Variants in PCBP3 observed in about 807,000 individuals in gnomAD.
PCBP3 encodes poly(rC)-binding protein 3.
PCBP3 carries 25 observed loss-of-function variants against 52.7 expected under a neutral mutation model. The ratio of observed to expected loss-of-function variants is 0.47; its 90% CI spans 0.35 to 0.66. The LOEUF (loss-of-function observed/expected upper bound fraction) is 0.66. PCBP3 is among the 30% of genes least tolerant of loss of function. The pLI, the probability that PCBP3 is intolerant of heterozygous loss-of-function variation, is 0.01. For missense variants in PCBP3, 391 were observed against 490.3 expected (o/e 0.80, Z 1.91); for synonymous variants, 162 against 183.0 (o/e 0.89, Z 0.93).
chr21:45,875,201 C>T (rs1319016441), intron 5 of PCBP3, among the ~76,000 whole-genome samples: 21 of 151,310 alleles, frequency 1.4e-4, no homozygotes, highest in African/African-American at 2.4e-4. Context: ...GGCCCTTCCA[C>T]GCGGCGCGCT....
chr21:45,884,555 C>T (rs1430441225), intron 5 of PCBP3, among the ~76,000 whole-genome samples: 1 of 151,898 alleles, frequency 6.6e-6, no homozygotes, highest in Non-Finnish European at 1.5e-5. Flanking sequence ...ATATATGTCA[C>T]GTGTGTGTGC....
chr21:45,753,493 T>C (rs2087740518), intron 3 of PCBP3, among the ~76,000 whole-genome samples: 1 of 152,152 alleles, frequency 6.6e-6, no homozygotes, highest in African/African-American at 2.4e-5. Context: ...TGTTTTATCC[T>C]CCCTGACAAT....
intron 4 of PCBP3, among the ~76,000 whole-genome samples, chr21:45,801,548 C>T (rs1384322270): frequency 2.6e-5 from 4 of 152,228 alleles, no homozygotes; most frequent in African/African-American, 9.6e-5. Flanking sequence ...CCCACAGCGT[C>T]TGGCCAGGTG....
At chr21:45,807,929 A>G (rs1250544596) in intron 4 of PCBP3, among the ~76,000 whole-genome samples, 1 of 152,236 alleles carries the variant, frequency 6.6e-6, no homozygotes, top group Non-Finnish European at 1.5e-5. Context: ...TACACCTGAC[A>G]AAAACAAGCA....
At chr21:45,878,555 C>T (rs1009987023) in intron 5 of PCBP3, among the ~76,000 whole-genome samples, 2 of 152,220 alleles carry the variant, frequency 1.3e-5, no homozygotes, top group South Asian at 2.1e-4. Flanking sequence ...GGGTTGATGG[C>T]CCCCAGGTCC....
At chr21:45,807,254 G>C (rs777646796) in intron 4 of PCBP3, among the ~76,000 whole-genome samples, 16 of 152,214 alleles carry the variant, frequency 1.1e-4, no homozygotes, top group Non-Finnish European at 2.1e-4. Flanking sequence ...AATTGTCTCT[G>C]TTTGCAGATG....
At chr21:45,814,489 G>A (rs1232259228) in intron 4 of PCBP3, among the ~76,000 whole-genome samples, 6 of 55,732 alleles carry the variant, frequency 1.1e-4, no homozygotes, top group Admixed American at 3.3e-4. Flanking sequence ...GTGATGAGTG[G>A]TGAGTGAGTG....
intron 4 of PCBP3, among the ~76,000 whole-genome samples, chr21:45,846,466 G>A (rs1459497216): frequency 6.6e-6 from 1 of 151,488 alleles, no homozygotes; most frequent in East Asian, 1.9e-4. Flanking sequence ...GTATGTTTAA[G>A]AAGAAAGTAT....
chr21:45,773,844 A>T (rs2090057875), intron 4 of PCBP3, among the ~76,000 whole-genome samples: 2 of 152,186 alleles, frequency 1.3e-5, no homozygotes, highest in Admixed American at 1.3e-4. Context: ...CATTTTAATG[A>T]TATTAATTCT....
intron 5 of PCBP3, among the ~76,000 whole-genome samples, chr21:45,851,334 G>T (rs1472348311): frequency 1.3e-5 from 2 of 152,208 alleles, no homozygotes; most frequent in African/African-American, 4.8e-5. Flanking sequence ...CCAACATGGT[G>T]AAACCCTGTC....
chr21:45,750,305 T>C (rs1389805061), intron 3 of PCBP3: 1 of 152,034 alleles, frequency 6.6e-6, no homozygotes, highest in Non-Finnish European at 1.5e-5. Context: ...TTAGCCGTGG[T>C]TGGTTTCTGC....
intron 4 of PCBP3, among the ~76,000 whole-genome samples, chr21:45,778,058 T>G (rs531906195): frequency 2.0e-5 from 3 of 152,128 alleles, no homozygotes; most frequent in South Asian, 4.2e-4. Flanking sequence ...CTTCTTCCTA[T>G]TTTTGAATTC....
intron 4 of PCBP3, among the ~76,000 whole-genome samples, chr21:45,823,724 T>TC (rs1473161251): frequency 1.8e-5 from 1 of 56,730 alleles, no homozygotes; most frequent in African/African-American, 5.8e-5. Context: ...AAGTAGGTGT[T>TC]TTTTTTTTAT....
intron 3 of PCBP3, chr21:45,749,738 A>G (rs1197725807): frequency 6.6e-6 from 1 of 152,250 alleles, no homozygotes; most frequent in Admixed American, 6.5e-5. Context: ...GAGGATGGAG[A>G]GGTGCTGTTT....
chr21:45,679,950 GTC>G (rs1263432916), intron 2 of PCBP3, among the ~76,000 whole-genome samples: 2 of 152,226 alleles, frequency 1.3e-5, no homozygotes. Flanking sequence ...TTTTTGGAAA[GTC>G]TATCCTCTCA....
intron 4 of PCBP3, among the ~76,000 whole-genome samples, chr21:45,834,767 C>T (rs567927575): frequency 6.6e-6 from 1 of 152,354 alleles, no homozygotes; most frequent in East Asian, 1.9e-4. Flanking sequence ...TTTAAAAGGA[C>T]AAAGCAGACT....
intron 1 of PCBP3, among the ~76,000 whole-genome samples, chr21:45,647,626 CAG>C (rs1057071559): frequency 6.6e-6 from 1 of 152,030 alleles, no homozygotes. Context: ...AACCGGAGTA[CAG>C]AGTGTGTAGT....
At position 45,837,851 on chromosome 21, in the gene PCBP3, C is replaced by T. The variant is rs2093624076; in HGVS notation, c.-125-12110C>T. On this transcript the variant is annotated intron_variant, in intron 4 of 17. Transcript: ENST00000681687. The surrounding 1 kb of genome is among the most constrained non-coding windows in gnomAD (Gnocchi z 4.1). ...TGATCCGCCACTGCTGGGTTCCCCA[C>T]CAGCCTTGCAGCTTGCTGTCAATAT... is the stretch of plus-strand genomic sequence containing the variant. Among the ~76,000 whole-genome samples, 1 of 152,258 alleles carries T rather than the reference C, an allele frequency of 6.6e-6. No individual in the cohort carries two copies. Among genetic ancestry groups the T allele is most frequent in the Non-Finnish European group, 1.5e-5 (1 of 68,046 alleles).
At position 45,737,948 on chromosome 21, in the gene PCBP3, C is replaced by A. The variant is rs190547744; in HGVS notation, c.-162+2519C>A. Among the ~76,000 whole-genome samples the A allele has an allele frequency of 6.6e-6, 1 of 152,200 alleles. No individual in the cohort carries two copies. The highest frequency in any genetic ancestry group is 2.4e-5 in the African/African-American group (1 of 41,452). ...GCACTTGGTTTTTCCATTCCCATGTCTTGGAGGACTCTTCCCCCTTCCTGA... is the reference window on the plus strand; with the variant it reads ...GCACTTGGTTTTTCCATTCCCATGTATTGGAGGACTCTTCCCCCTTCCTGA... On this transcript the variant is annotated intron_variant, in intron 3 of 17. Coordinates refer to ENST00000681687, the MANE Select transcript of PCBP3 (RefSeq NM_001384156.1). This position sits in a 1 kb window ranked among gnomAD's most constrained non-coding sequence, Gnocchi z 4.9.
Sources: gnomAD v4.1 joint callset for allele counts (sites outside exome capture counted in the v4.1 genomes callset) on GRCh38, gnomAD v4.1.1 for gene constraint, Gnocchi (gnomAD v3.1) non-coding constraint, MANE v1.5 for transcripts, NCBI Gene and HGNC (gene_info 2026-07-23, HGNC 2026-07-21) for gene names.